CD2AP: variants seen among roughly 807,000 people sequenced by gnomAD.
CD2AP encodes CD2-associated protein.
In CD2AP, 46 loss-of-function variants were observed where a neutral mutation model predicts 85.1. That is an observed-to-expected ratio of 0.54 (90% CI 0.43 to 0.69). The LOEUF (loss-of-function observed/expected upper bound fraction) is 0.69. Ranked by LOEUF, CD2AP falls within the 30% of genes least tolerant of loss-of-function variation. The probability of loss-of-function intolerance (pLI) is 0.00; values close to 1 mark genes in which losing one functional copy is unlikely to be tolerated. For synonymous variants in CD2AP, 255 were observed against 252.9 expected (o/e 1.01, Z -0.08); for missense variants, 769 against 729.5 (o/e 1.05, Z -0.62).
intron 5 of CD2AP, among the ~76,000 whole-genome samples, chr6:47,564,498 A>C (rs909495637): frequency 6.6e-6 from 1 of 152,144 alleles, no homozygotes; most frequent in Non-Finnish European, 1.5e-5. Flanking sequence ...TTTGGATTTT[A>C]GTAACTGCGC....
chr6:47,531,999 G>C (rs1421812006), intron 2 of CD2AP, among the ~76,000 whole-genome samples: 3 of 151,944 alleles, frequency 2.0e-5, no homozygotes, highest in African/African-American at 7.3e-5. Flanking sequence ...CTTGAACCCA[G>C]GAGGCGGAGG....
chr6:47,622,364 G>A (rs547588248), intron 17 of CD2AP, among the ~76,000 whole-genome samples: 4 of 152,220 alleles, frequency 2.6e-5, no homozygotes, highest in East Asian at 1.9e-4. Flanking sequence ...GAGGTCTCTC[G>A]CCCCGTTCAA....
At chr6:47,510,303 G>T (rs1371492390) in intron 2 of CD2AP, among the ~76,000 whole-genome samples, 1 of 152,138 alleles carries the variant, frequency 6.6e-6, no homozygotes, top group African/African-American at 2.4e-5. Context: ...TTGCTGAGAG[G>T]GCCTAGAAGC....
Position 47,618,317 on chromosome 6 carries a change from CA to C in CD2AP, c.1878+5790del, listed in dbSNP as rs568248301. Among the ~76,000 whole-genome samples the C allele has an allele frequency of 3.4e-5, 5 of 148,568 alleles. No individual in the cohort carries two copies. The East Asian group carries it at 9.8e-4, about 29-fold the overall frequency. On this transcript the variant is annotated intron_variant, in intron 17 of 17. Coordinates refer to ENST00000359314, the MANE Select transcript of CD2AP (RefSeq NM_012120.3). ...CCTGGGTGACAGAACGAGACTGTCT[CA>C]AAAAAAAACGAGTAGTCTTCCAAAT...
At chr6:47,595,774 C>A in intron 11 of CD2AP, 87 bp from the exon 12 acceptor site, 1 of 1,124,204 alleles carries the variant, frequency 8.9e-7, no homozygotes, top group Non-Finnish European at 1.3e-6. Flanking sequence ...CTCTGTCACA[C>A]TTTTCCAGCC....
intron 1 of CD2AP, among the ~76,000 whole-genome samples, chr6:47,496,190 T>C (rs1191905700): frequency 6.6e-6 from 1 of 152,136 alleles, no homozygotes; most frequent in Non-Finnish European, 1.5e-5. Flanking sequence ...TTGTCAGAAG[T>C]GTCCTTATTT....
chr6:47,600,742 T>C (rs1769106494), intron 13 of CD2AP, among the ~76,000 whole-genome samples: 1 of 151,986 alleles, frequency 6.6e-6, no homozygotes, highest in Admixed American at 6.6e-5. Context: ...TTATTGAGCT[T>C]ATCAGTAAAT....
At chr6:47,601,943 G>A (rs2114140320) in intron 13 of CD2AP, among the ~76,000 whole-genome samples, 1 of 151,894 alleles carries the variant, frequency 6.6e-6, no homozygotes, top group African/African-American at 2.4e-5. Flanking sequence ...AACTAACAAT[G>A]GAATGATTTA....
intron 1 of CD2AP, among the ~76,000 whole-genome samples, chr6:47,491,815 A>AT (rs1020364205): frequency 3.1e-4 from 47 of 151,936 alleles, no homozygotes; most frequent in African/African-American, 9.4e-4. Context: ...TTAAATACTG[A>AT]TTTTTTTTAA....
At chr6:47,610,410 T>G (rs950215213) in intron 16 of CD2AP, among the ~76,000 whole-genome samples, 1 of 152,148 alleles carries the variant, frequency 6.6e-6, no homozygotes, top group South Asian at 2.1e-4. Context: ...GTACAAAAGT[T>G]ATGGCCAAAT....
chr6:47,608,272 C>T (rs2114148343), intron 15 of CD2AP, among the ~76,000 whole-genome samples: 1 of 152,144 alleles, frequency 6.6e-6, no homozygotes, highest in South Asian at 2.1e-4. Flanking sequence ...AGGCATAGAT[C>T]TCTGCATCTA....
At chr6:47,501,783 T>C (rs1014629429) in intron 1 of CD2AP, among the ~76,000 whole-genome samples, 5 of 152,178 alleles carry the variant, frequency 3.3e-5, no homozygotes, top group African/African-American at 1.2e-4. Context: ...TTTTTAAAAA[T>C]TGAACCTTGT....
At chr6:47,512,315 C>G (rs999938076) in intron 2 of CD2AP, among the ~76,000 whole-genome samples, 1 of 152,146 alleles carries the variant, frequency 6.6e-6, no homozygotes, top group Admixed American at 6.5e-5. Flanking sequence ...GCACTCCAGC[C>G]TGGGTTGCAG....
intron 3 of CD2AP, among the ~76,000 whole-genome samples, chr6:47,541,109 T>C (rs975917921): frequency 6.6e-6 from 1 of 152,204 alleles, no homozygotes; most frequent in Non-Finnish European, 1.5e-5. Context: ...TTATGGTTAC[T>C]GTTCACTTTC....
At chr6:47,491,788 T>G (rs190574488) in intron 1 of CD2AP, among the ~76,000 whole-genome samples, 261 of 152,290 alleles carry the variant, frequency 1.7e-3, no homozygotes, top group African/African-American at 6.1e-3. Flanking sequence ...AGCTTGATCT[T>G]CAGATATCCT....
In CD2AP at chr6:47,589,565, C is replaced by CACACATATATATAT. The variant is rs139814970; in HGVS notation, c.1109-6295_1109-6294insCACATATATATATA. 4.0e-3 allele frequency among the ~76,000 whole-genome samples: 480 copies of CACACATATATATAT among 120,966 alleles called. 5 individuals carry two copies. The highest frequency in any genetic ancestry group is 0.012 in the African/African-American group (414 of 33,632). 79.4% of individuals were successfully genotyped at this position (120,966 alleles called of 152,430 possible). On this transcript the variant is annotated intron_variant, in intron 11 of 17. Transcript: ENST00000359314. ...ACACATATATATACACACACACACA[C>CACACATATATATAT]ATATATATATATATATTTGTCAGAG...
At chr6:47,504,554 C>T (rs1210720712) in intron 2 of CD2AP, among the ~76,000 whole-genome samples, 1 of 152,142 alleles carries the variant, frequency 6.6e-6, no homozygotes, top group African/African-American at 2.4e-5. Flanking sequence ...TCTAGGTTAA[C>T]TTATAATACC....
rs10580796 is a variant in CD2AP, at chr6:47,609,513, CAAAAAAAAAAA to C, written c.1814+217_1814+227del. The C allele has an allele frequency of 7.0e-5, 10 of 141,902 alleles. 1 individual carries two copies. In the South Asian group the frequency reaches 1.9e-3, roughly 26 times the overall value. The allele number at this position is 141,902 out of a possible 1,614,324, so 8.8% of individuals were successfully genotyped here. ...ACGACATGACAAAACCCCATCTTTG[CAAAAAAAAAAA>C]AAAAAAAGAAAAGAAAAGAAAAGAA... On this transcript the variant is annotated intron_variant, in intron 16 of 17. Coordinates refer to ENST00000359314, the MANE Select transcript of CD2AP (RefSeq NM_012120.3).
chr6:47,580,692 G>T (rs889205371), intron 9 of CD2AP, among the ~76,000 whole-genome samples, 172 bp from the exon 10 acceptor site: 8 of 152,102 alleles, frequency 5.3e-5, no homozygotes, highest in African/African-American at 1.9e-4. Context: ...GAAATAATTT[G>T]TTGTCATTGA....
Sources: gnomAD v4.1 joint callset for allele counts (sites outside exome capture counted in the v4.1 genomes callset) on GRCh38, gnomAD v4.1.1 for gene constraint, MANE v1.5 for transcripts, NCBI Gene and HGNC (gene_info 2026-07-23, HGNC 2026-07-21) for gene names.